CADM2: variants seen among roughly 807,000 people sequenced by gnomAD.
CADM2 encodes the protein cell adhesion molecule 2, also known as immunoglobulin superfamily member 4D.
In CADM2, 12 loss-of-function variants were observed where a neutral mutation model predicts 49.8. The observed-to-expected ratio is 0.24, with a 90% confidence interval of 0.15 to 0.39. The LOEUF (loss-of-function observed/expected upper bound fraction) is 0.39. Ranked by LOEUF, CADM2 falls within the 10% of genes least tolerant of loss-of-function variation. The pLI is 1.00. For synonymous variants in CADM2, 214 were observed against 175.4 expected (o/e 1.22, Z -1.74); for missense variants, 378 against 492.3 (o/e 0.77, Z 2.20).
In CADM2 at chr3:85,166,976, T is replaced by A. The variant is rs543891507; in HGVS notation, c.61+207308T>A. On this transcript the variant is annotated intron_variant, in intron 1 of 9. Coordinates refer to ENST00000383699, the MANE Select transcript of CADM2 (RefSeq NM_001167675.2). ...AGAAAAAATAACTAGCAACAAAATA[T>A]TCAAAAGCATATTTTACTGCTGTTA... Among the ~76,000 whole-genome samples, 3 of 152,160 alleles carry A rather than the reference T, an allele frequency of 2.0e-5. No individual in the cohort carries two copies. In the South Asian group the frequency reaches 6.2e-4, roughly 31 times the overall value.
chr3:85,582,618 A>C (rs889684575), intron 1 of CADM2, among the ~76,000 whole-genome samples: 1 of 152,098 alleles, frequency 6.6e-6, no homozygotes, highest in Non-Finnish European at 1.5e-5. Context: ...TTCTTTTCTC[A>C]TGAGGGCACT....
intron 1 of CADM2, among the ~76,000 whole-genome samples, chr3:85,021,824 AC>A (rs1193044230): frequency 2.0e-5 from 3 of 152,152 alleles, no homozygotes; most frequent in African/African-American, 7.2e-5. Context: ...CTAGAGGAAA[AC>A]ATTGTTATCA....
At chr3:85,391,583 C>A (rs1197200694) in intron 1 of CADM2, among the ~76,000 whole-genome samples, 2 of 152,024 alleles carry the variant, frequency 1.3e-5, no homozygotes, top group Non-Finnish European at 2.9e-5. Flanking sequence ...CAAGACCTGA[C>A]ACAACAGAAG....
chr3:85,883,039 G>A (rs1204267253), intron 3 of CADM2, among the ~76,000 whole-genome samples: 1 of 152,118 alleles, frequency 6.6e-6, no homozygotes, highest in Non-Finnish European at 1.5e-5. Context: ...CTGAAGTATT[G>A]CATTAGATGT....
rs1356098854 is a variant in CADM2 at position 86,013,540 on chromosome 3, A to G, written c.970+51893A>G. ...AACACGTTGTTTTCTTCAAAAACAC[A>G]GCAGAGGCAGATGGTAGAGATCTGT... On this transcript the variant is annotated intron_variant, in intron 8 of 9. Coordinates refer to ENST00000383699, the MANE Select transcript of CADM2 (RefSeq NM_001167675.2). 1.9e-6 allele frequency: 3 copies of G among 1,605,070 alleles called. No individual in the cohort carries two copies. The East Asian group carries it at 6.7e-5, about 36-fold the overall frequency.
chr3:85,407,278 G>C (rs1196749435), intron 1 of CADM2, among the ~76,000 whole-genome samples: 1 of 152,126 alleles, frequency 6.6e-6, no homozygotes, highest in East Asian at 1.9e-4. Context: ...AGAATATAGA[G>C]CCAAATTAAT....
At chr3:85,277,751 T>C (rs1423551771) in intron 1 of CADM2, among the ~76,000 whole-genome samples, 1 of 151,340 alleles carries the variant, frequency 6.6e-6, no homozygotes, top group Non-Finnish European at 1.5e-5. Context: ...TGATCAAATT[T>C]ATAGTATGTT....
At chr3:85,965,758 CATTCACT>C (rs1370599283) in intron 8 of CADM2, among the ~76,000 whole-genome samples, 1 of 151,514 alleles carries the variant, frequency 6.6e-6, no homozygotes, top group African/African-American at 2.4e-5. Flanking sequence ...AATGTGCATC[CATTCACT>C]ATAGAGAACA....
intron 1 of CADM2, among the ~76,000 whole-genome samples, chr3:85,585,349 CA>C (rs1221387753): frequency 2.0e-5 from 3 of 151,808 alleles, no homozygotes; most frequent in Middle Eastern, 3.4e-3. Context: ...TAAAGTGCTT[CA>C]TTTTTAGTGA....
chr3:85,995,951 G>C (rs536720755), intron 8 of CADM2, among the ~76,000 whole-genome samples: 13 of 151,796 alleles, frequency 8.6e-5, no homozygotes, highest in Non-Finnish European at 1.6e-4. Flanking sequence ...TTAGCCAGGC[G>C]TGGTGGCGGT....
At chr3:85,518,648 C>A (rs1162474790) in intron 1 of CADM2, among the ~76,000 whole-genome samples, 1 of 152,168 alleles carries the variant, frequency 6.6e-6, no homozygotes, top group Non-Finnish European at 1.5e-5. Flanking sequence ...TTCCTTGCCC[C>A]TTCCAACTCC....
intron 1 of CADM2, among the ~76,000 whole-genome samples, chr3:85,716,359 T>C (rs987114027): frequency 6.6e-6 from 1 of 152,198 alleles, no homozygotes; most frequent in Non-Finnish European, 1.5e-5. Context: ...TTGTTTGTTT[T>C]TTTCTTGTAA....
At chr3:85,633,236 T>C (rs980609090) in intron 1 of CADM2, among the ~76,000 whole-genome samples, 3 of 152,124 alleles carry the variant, frequency 2.0e-5, no homozygotes, top group Non-Finnish European at 2.9e-5. Context: ...TGATTTCTTA[T>C]TTGTTTGTTT....
chr3:85,908,254 CTTTTT>C (rs898710165), intron 5 of CADM2, among the ~76,000 whole-genome samples: 2 of 65,776 alleles, frequency 3.0e-5, no homozygotes, highest in African/African-American at 5.6e-5. Flanking sequence ...TTTTTTTCTT[CTTTTT>C]TTTTTTTTTT....
At chr3:85,526,986 G>A (rs538312811) in intron 1 of CADM2, among the ~76,000 whole-genome samples, 3 of 152,168 alleles carry the variant, frequency 2.0e-5, no homozygotes, top group South Asian at 2.1e-4. Flanking sequence ...CTTCTTTGTC[G>A]TAAAATAATT....
chr3:85,454,824 A>G lies in CADM2; in HGVS notation c.62-271698A>G, dbSNP rs188253903. Among the ~76,000 whole-genome samples, 308 of 145,246 alleles carry G rather than the reference A, an allele frequency of 2.1e-3. 5 individuals are homozygous for G. The highest frequency in any genetic ancestry group is 0.018 in the Admixed American group (253 of 14,002). On this transcript the variant is annotated intron_variant, in intron 1 of 9. Transcript: ENST00000383699. The stretch of plus-strand genomic sequence containing the variant: ...TAAAGTTGAGAGGGTGATATTAATC[A>G]GTAAGCAAACATTAACACACAAAAC...
intron 8 of CADM2, among the ~76,000 whole-genome samples, chr3:86,044,141 A>G (rs1413012530): frequency 2.0e-5 from 3 of 152,244 alleles, no homozygotes; most frequent in Non-Finnish European, 4.4e-5. Flanking sequence ...CATTCAGGAC[A>G]TAGGCATGGG....
At chr3:85,390,990 G>A (rs767913436) in intron 1 of CADM2, among the ~76,000 whole-genome samples, 4 of 151,994 alleles carry the variant, frequency 2.6e-5, no homozygotes, top group Admixed American at 1.3e-4. Context: ...TATATTCCTA[G>A]GTGCATCTAG....
chr3:85,093,195 C>T (rs571014163), intron 1 of CADM2, among the ~76,000 whole-genome samples: 1 of 152,186 alleles, frequency 6.6e-6, no homozygotes, highest in African/African-American at 2.4e-5. Context: ...AATATAATTT[C>T]ATTCTTTCAT....
Sources: allele counts gnomAD v4.1 joint callset (sites outside exome capture counted in the v4.1 genomes callset), GRCh38; gene constraint gnomAD v4.1.1; transcripts MANE v1.5; gene names NCBI Gene and HGNC (gene_info 2026-07-23, HGNC 2026-07-21).